The following SAXO5 variants were observed in gnomAD, a reference collection of about 807,000 sequenced individuals.
The protein encoded by SAXO5 is testis expressed 45.
chr19:7,505,821 G>A, the SAXO5 span: 4 of 965,382 alleles, frequency 4.1e-6, no homozygotes, highest in South Asian at 6.6e-5. Context: ...TGAGATAAGA[G>A]TACCAACTCC....
the SAXO5 span, chr19:7,501,258 C>G: frequency 6.4e-7 from 1 of 1,568,110 alleles, no homozygotes. Flanking sequence ...AGAGCGGATC[C>G]GCGGCGCGCG....
the SAXO5 span, among the ~76,000 whole-genome samples, chr19:7,502,261 C>A: frequency 1.3e-5 from 2 of 152,048 alleles, no homozygotes; most frequent in South Asian, 4.2e-4. Flanking sequence ...ACGCATGTCA[C>A]CAGGCCCAGC....
the SAXO5 span, chr19:7,501,156 A>G: frequency 1.5e-5 from 23 of 1,511,426 alleles, no homozygotes; most frequent in Non-Finnish European, 2.0e-5. Flanking sequence ...GCAGGCCGGC[A>G]ACCTGCACCT....
chr19:7,497,768 CTAG>C, the SAXO5 span: 1 of 152,202 alleles, frequency 6.6e-6, no homozygotes, highest in East Asian at 1.9e-4. Context: ...GATTACCTGG[CTAG>C]TAGTCTCAGT....
At chr19:7,507,101 G>C in the SAXO5 span, 1 of 1,614,010 alleles carries the variant, frequency 6.2e-7, no homozygotes. Flanking sequence ...AAGCCACACA[G>C]AACACCTCCG....
chr19:7,506,984 T>C, the SAXO5 span: 3 of 1,302,040 alleles, frequency 2.3e-6, no homozygotes, highest in Non-Finnish European at 3.3e-6. Flanking sequence ...ACCCTTCCCT[T>C]GAACTTCACC....
chr19:7,498,154 A>AACACAAAC, the SAXO5 span, among the ~76,000 whole-genome samples: 10 of 133,550 alleles, frequency 7.5e-5, no homozygotes, highest in Non-Finnish European at 6.3e-5. Flanking sequence ...GTTTCATTAA[A>AACACAAAC]ACACACACAC....
chr19:7,499,036 G>A, the SAXO5 span: 1 of 152,776 alleles, frequency 6.5e-6, no homozygotes, highest in Non-Finnish European at 1.5e-5. Flanking sequence ...GGCAGGCCGG[G>A]CACAGTGGCT....
the SAXO5 span, chr19:7,506,248 CTCCCCATGGA>C: frequency 4.9e-6 from 3 of 616,442 alleles, no homozygotes; most frequent in Non-Finnish European, 4.6e-6. Flanking sequence ...CATGGAGCCC[CTCCCCATGGA>C]GCCCCGCCCC....
the SAXO5 span, among the ~76,000 whole-genome samples, chr19:7,502,325 G>T: frequency 6.6e-6 from 1 of 152,104 alleles, no homozygotes; most frequent in Non-Finnish European, 1.5e-5. Flanking sequence ...GCCCTGGCAG[G>T]TCTTGAACTC....
chr19:7,500,146 G>GC, the SAXO5 span, among the ~76,000 whole-genome samples: 1 of 151,826 alleles, frequency 6.6e-6, no homozygotes, highest in African/African-American at 2.4e-5. Context: ...GTCATCTCCC[G>GC]CCCCATTATC....
At chr19:7,501,252 C>A in the SAXO5 span, 2 of 1,565,988 alleles carry the variant, frequency 1.3e-6, no homozygotes, top group Non-Finnish European at 1.7e-6. Context: ...CACCCGAGAG[C>A]GGATCCGCGG....
At chr19:7,507,117 G>C in the SAXO5 span, 1 of 1,614,008 alleles carries the variant, frequency 6.2e-7, no homozygotes, top group South Asian at 1.1e-5. Flanking sequence ...CTCCGGCCCC[G>C]GTGACTGAAG....
the SAXO5 span, chr19:7,506,075 G>T: frequency 3.7e-6 from 6 of 1,613,858 alleles, no homozygotes; most frequent in East Asian, 1.3e-4. Context: ...GACCACCATG[G>T]GCTCGGACTA....
chr19:7,498,030 A>G, the SAXO5 span, among the ~76,000 whole-genome samples: 32 of 152,018 alleles, frequency 2.1e-4, no homozygotes, highest in Non-Finnish European at 4.3e-4. Context: ...GGACACCTAC[A>G]GTCCCAGCTA....
the SAXO5 span, among the ~76,000 whole-genome samples, chr19:7,498,077 G>A: frequency 6.6e-6 from 1 of 150,890 alleles, no homozygotes; most frequent in Admixed American, 6.6e-5. Flanking sequence ...CTTGAATCCA[G>A]GAGGAAGAGG....
chr19:7,507,261 C>A, the SAXO5 span: 1 of 838,712 alleles, frequency 1.2e-6, no homozygotes, highest in Non-Finnish European at 1.9e-6. Context: ...GGCTCGGGGG[C>A]ATCTTAATAT....
chr19:7,499,378 AGGGGC>A, the SAXO5 span, among the ~76,000 whole-genome samples: 4 of 34,950 alleles, frequency 1.1e-4, no homozygotes, highest in African/African-American at 4.2e-4. Flanking sequence ...GGGAGGGGGG[AGGGGC>A]GGGGGAGGGG....
At chr19:7,502,990 G>T in the SAXO5 span, among the ~76,000 whole-genome samples, 1 of 152,166 alleles carries the variant, frequency 6.6e-6, no homozygotes, top group East Asian at 1.9e-4. Context: ...GTGATTCCTA[G>T]TTTCTGTGAT....
Sources: allele counts gnomAD v4.1 joint callset (sites outside exome capture counted in the v4.1 genomes callset), GRCh38; gene constraint gnomAD v4.1.1; transcripts MANE v1.5; gene names NCBI Gene and HGNC (gene_info 2026-07-23, HGNC 2026-07-21).